SLC6A11: variants seen among roughly 807,000 people sequenced by gnomAD.
SLC6A11 encodes the protein sodium- and chloride-dependent GABA transporter 3.
SLC6A11 carries 25 observed loss-of-function variants against 74.8 expected under a neutral mutation model. The observed-to-expected ratio is 0.33, with a 90% CI of 0.24 to 0.47. The LOEUF is 0.47. Ranked by LOEUF, SLC6A11 falls within the 20% of genes least tolerant of loss-of-function variation. The probability of loss-of-function intolerance (pLI) is 1.00; values close to 1 mark genes in which losing one functional copy is unlikely to be tolerated. For missense variants in SLC6A11, 574 were observed against 837.0 expected, an observed-to-expected ratio of 0.69 and a Z score of 3.88; for synonymous variants, 330 against 330.2, an observed-to-expected ratio of 1.00 and a Z score of 0.01.
chr3:10,835,845 G>A (rs73035888), intron 4 of SLC6A11, among the ~76,000 whole-genome samples: 5,977 of 152,294 alleles, frequency 0.039, 141 homozygotes, highest in East Asian at 0.12. Flanking sequence ...GGGTTGGGAG[G>A]GGGGAGCCCT....
chr3:10,816,560 C>G lies in SLC6A11; in HGVS notation c.256+39C>G. The G allele has an allele frequency of 6.6e-7, 1 of 1,520,188 alleles. No homozygotes were observed. The highest frequency in any genetic ancestry group is 8.8e-7 in the Non-Finnish European group (1 of 1,131,248). 94.2% of individuals were successfully genotyped at this position (1,520,188 alleles called of 1,614,324 possible). ...GAGGAGAAGGGGAGGGGGCGCCAACCGCCCGGTGGGGGCGGGGAGCCAGGG... is the reference window on the plus strand; with the variant it reads ...GAGGAGAAGGGGAGGGGGCGCCAACGGCCCGGTGGGGGCGGGGAGCCAGGG... On this transcript the variant is annotated intron_variant, in intron 1 of 13. Transcript: ENST00000254488. This position sits in a 1 kb window ranked among gnomAD's most constrained non-coding sequence, Gnocchi z 4.2.
At chr3:10,845,110 T>G (rs941231950) in intron 5 of SLC6A11, among the ~76,000 whole-genome samples, 13 of 152,202 alleles carry the variant, frequency 8.5e-5, no homozygotes, top group Admixed American at 2.0e-4. Context: ...GTGTTTACTT[T>G]CAAAAGGCGG....
chr3:10,908,856 T>G (rs1352280413), intron 6 of SLC6A11, among the ~76,000 whole-genome samples: 2 of 152,198 alleles, frequency 1.3e-5, no homozygotes, highest in Non-Finnish European at 2.9e-5. Flanking sequence ...GAGCTAAATG[T>G]TGCTATTAGC....
Position 10,834,352 on chromosome 3 carries a change from G to GTT in SLC6A11, c.624-9853_624-9852dup, listed in dbSNP as rs138938564. Among the ~76,000 whole-genome samples, 996 of 145,610 alleles carry GTT rather than the reference G, an allele frequency of 6.8e-3. 43 individuals carry two copies. In the South Asian group the frequency reaches 0.098, roughly 14 times the overall value. The stretch of plus-strand genomic sequence containing the variant: ...TGGAAGTAAGTTTGTTTTTTTTTTT[G>GTT]TTTTTTTTTTCAGCAGATGGGGAAT... On this transcript the variant is annotated intron_variant, in intron 4 of 13. Coordinates refer to ENST00000254488, the MANE Select transcript of SLC6A11 (RefSeq NM_014229.3).
chr3:10,836,067 T>G (rs1347051069), intron 4 of SLC6A11, among the ~76,000 whole-genome samples: 2 of 152,230 alleles, frequency 1.3e-5, no homozygotes, highest in Non-Finnish European at 2.9e-5. Context: ...TTTTTTTATC[T>G]CTGTGAATTT....
chr3:10,851,076 C>G (rs1283297242), intron 5 of SLC6A11, among the ~76,000 whole-genome samples: 1 of 152,160 alleles, frequency 6.6e-6, no homozygotes, highest in Non-Finnish European at 1.5e-5. Context: ...CCCTGCCCAG[C>G]GGACAGTCAG....
intron 6 of SLC6A11, among the ~76,000 whole-genome samples, chr3:10,877,182 A>G (rs1694919057): frequency 6.6e-6 from 1 of 152,240 alleles, no homozygotes; most frequent in Admixed American, 6.5e-5. Flanking sequence ...TGGCTGTTCT[A>G]GCACTCAAAG....
At position 10,834,211 on chromosome 3, in the gene SLC6A11, C is replaced by A. The variant is rs79640290; in HGVS notation, c.624-10003C>A. ...GTCTGAAACCCAGCCATCTGCATCT[C>A]TCTGCCGTTCCAGGCTTCTTCCTGT... On this transcript the variant is annotated intron_variant, in intron 4 of 13. Transcript: ENST00000254488. Among the ~76,000 whole-genome samples, 305 of 152,386 alleles carry A rather than the reference C, an allele frequency of 2.0e-3. 1 individual carries two copies. The highest frequency in any genetic ancestry group is 7.1e-3 in the African/African-American group (296 of 41,594).
chr3:10,834,132 G>C (rs2106579759), intron 4 of SLC6A11, among the ~76,000 whole-genome samples: 1 of 152,336 alleles, frequency 6.6e-6, no homozygotes, highest in East Asian at 1.9e-4. Flanking sequence ...GAGGGCATGA[G>C]AGATTAAGGG....
At chr3:10,905,031 C>G (rs1294760577) in intron 6 of SLC6A11, among the ~76,000 whole-genome samples, 1 of 152,214 alleles carries the variant, frequency 6.6e-6, no homozygotes, top group East Asian at 1.9e-4. Context: ...AGGGCTGGTT[C>G]ATGAATGTTC....
In SLC6A11 at chr3:10,844,341, G is replaced by A; in HGVS notation, c.751G>A (p.Gly251Arg). ...TATCTGGAAGGGGACCAAGTCTACA[G>A]GAAAGGTAAGAGGTCGATCTTCAAG... ...FCIWKGTKSTGKVVYVTATFP... is the reference protein window; with the variant it reads ...FCIWKGTKSTRKVVYVTATFP... Residue 251 changes from glycine to arginine, a missense_variant, in exon 5 of 14, where the codon GGA becomes AGA. This residue lies in a region of SLC6A11 where 215 missense variants were observed against 357.9 expected (regional missense o/e 0.60). Coordinates refer to ENST00000254488, the MANE Select transcript of SLC6A11 (RefSeq NM_014229.3). 6.2e-7 allele frequency: 1 copy of A among 1,614,200 alleles called. No individual in the cohort carries two copies. Among genetic ancestry groups the A allele is most frequent in the Non-Finnish European group, 8.5e-7 (1 of 1,180,034 alleles).
At chr3:10,873,414 C>CCTATG (rs1441263381) in intron 5 of SLC6A11, among the ~76,000 whole-genome samples, 2 of 148,326 alleles carry the variant, frequency 1.3e-5, no homozygotes, top group African/African-American at 5.1e-5. Context: ...CCTATCCTAT[C>CCTATG]CTATCCTATC....
chr3:10,929,179 C>T (rs773734004), intron 9 of SLC6A11, 23 bp from the exon 10 acceptor site: 9 of 1,612,194 alleles, frequency 5.6e-6, no homozygotes, highest in Admixed American at 1.7e-5. Flanking sequence ...TTGAGTTTCA[C>T]ACCATCATAT....
At chr3:10,869,720 C>A (rs192659805) in intron 5 of SLC6A11, among the ~76,000 whole-genome samples, 1 of 152,322 alleles carries the variant, frequency 6.6e-6, no homozygotes, top group East Asian at 1.9e-4. Flanking sequence ...TATCCCACAA[C>A]CTTGAATGCG....
chr3:10,847,111 C>G (rs1470499214), intron 5 of SLC6A11, among the ~76,000 whole-genome samples: 7 of 152,132 alleles, frequency 4.6e-5, no homozygotes, highest in Admixed American at 4.6e-4. Flanking sequence ...TGGGGGCTAT[C>G]ATTATCTCCA....
chr3:10,835,449 A>G (rs899296799), intron 4 of SLC6A11, among the ~76,000 whole-genome samples: 1 of 152,038 alleles, frequency 6.6e-6, no homozygotes, highest in Admixed American at 6.5e-5. Flanking sequence ...CCCCTTATGC[A>G]CTTTGCCTCC....
At chr3:10,853,822 A>T (rs1232674084) in intron 5 of SLC6A11, among the ~76,000 whole-genome samples, 2 of 152,222 alleles carry the variant, frequency 1.3e-5, no homozygotes, top group African/African-American at 4.8e-5. Flanking sequence ...ATGACTGAGG[A>T]CCATAGCCTT....
chr3:10,876,136 G>A (rs1045745643), intron 6 of SLC6A11, among the ~76,000 whole-genome samples: 1 of 152,222 alleles, frequency 6.6e-6, no homozygotes, highest in South Asian at 2.1e-4. Context: ...GAGCTTGTGG[G>A]GGAAGCGTTT....
chr3:10,877,490 C>G (rs1694923906), intron 6 of SLC6A11, among the ~76,000 whole-genome samples: 1 of 152,224 alleles, frequency 6.6e-6, no homozygotes, highest in African/African-American at 2.4e-5. Context: ...CCCAGAGAAG[C>G]CTTCCTGCGA....
Sources: allele counts gnomAD v4.1 joint callset (sites outside exome capture counted in the v4.1 genomes callset), GRCh38; gene constraint gnomAD v4.1.1; regional missense constraint gnomAD v4.1.1; non-coding constraint Gnocchi (gnomAD v3.1); transcripts MANE v1.5; gene names NCBI Gene and HGNC (gene_info 2026-07-23, HGNC 2026-07-21).